SPTBN1: variants seen among roughly 807,000 people sequenced by gnomAD.
The protein encoded by SPTBN1 is spectrin beta, non-erythrocytic 1, also known as spectrin beta chain, non-erythrocytic 1.
A neutral mutation model predicts 266.4 loss-of-function variants in SPTBN1; 32 were observed. The ratio of observed to expected loss-of-function variants is 0.12; its 90% CI spans 0.09 to 0.16. The LOEUF is 0.16. Ranked by LOEUF, SPTBN1 falls within the 10% of genes least tolerant of loss-of-function variation. SPTBN1 has a pLI of 1.00. For synonymous variants in SPTBN1, 1,336 were observed against 1,162.2 expected (o/e 1.15, Z -3.04); for missense variants, 2,296 against 3,067.1 (o/e 0.75, Z 5.94).
At chr2:54,651,226 A>T (rs1680259687) in intron 26 of SPTBN1, among the ~76,000 whole-genome samples, 1 of 152,248 alleles carries the variant, frequency 6.6e-6, no homozygotes, top group Non-Finnish European at 1.5e-5. Context: ...CTTGAGAGAC[A>T]GTGGAGTTGC....
intron 5 of SPTBN1, 26 bp downstream of exon 5, chr2:54,616,324 G>A (rs1294985385): frequency 6.2e-7 from 1 of 1,601,632 alleles, no homozygotes; most frequent in South Asian, 1.1e-5. Context: ...GAGGGTATTG[G>A]GGCTGCTTCT....
intron 1 of SPTBN1, among the ~76,000 whole-genome samples, chr2:54,492,557 G>C (rs140637816): frequency 6.6e-6 from 1 of 152,248 alleles, no homozygotes; most frequent in Non-Finnish European, 1.5e-5. Flanking sequence ...CCAACTGACT[G>C]ACTGCTGTGG....
chr2:54,493,104 C>T (rs1414715535), intron 1 of SPTBN1, among the ~76,000 whole-genome samples: 4 of 146,640 alleles, frequency 2.7e-5, no homozygotes, highest in Non-Finnish European at 5.9e-5. Context: ...TTCCTGGGTT[C>T]AAGGGATTCT....
rs1308487910 is a variant in SPTBN1, at chr2:54,582,163, C to A, written c.149-16929C>A. Among the ~76,000 whole-genome samples, 3 of 152,176 alleles carry A rather than the reference C, an allele frequency of 2.0e-5. No homozygotes were observed. The East Asian group carries it at 5.8e-4, about 29-fold the overall frequency. The stretch of plus-strand genomic sequence containing the variant: ...ATTATTTCATCACTTTGCTCAAATA[C>A]ATTAATGCAAAACATTACAAAACTA... On this transcript the variant is annotated intron_variant, in intron 2 of 35. Coordinates refer to ENST00000356805, the MANE Select transcript of SPTBN1 (RefSeq NM_003128.3).
chr2:54,631,108 A>G lies in SPTBN1; in HGVS notation c.3061A>G (p.Lys1021Glu). The G allele has an allele frequency of 6.2e-7, 1 of 1,614,188 alleles. No homozygotes were observed. The highest frequency in any genetic ancestry group is 8.5e-7 in the Non-Finnish European group (1 of 1,180,024). Residue 1021 changes from lysine to glutamate, a missense_variant, in exon 16 of 36, where the codon AAG becomes GAG. Transcript: ENST00000356805. ...GAGTGACCTGCAGAAGGAGGCGGAGAAGCTGGAGTCCGAGCACCCCGACCA... is the reference window on the plus strand; with the variant it reads ...GAGTGACCTGCAGAAGGAGGCGGAGGAGCTGGAGTCCGAGCACCCCGACCA... ...KLSDLQKEAE[K>E]LESEHPDQAQ... is the part of the protein sequence containing the mutation.
intron 2 of SPTBN1, among the ~76,000 whole-genome samples, chr2:54,564,710 C>G (rs917575432): frequency 5.9e-5 from 9 of 152,210 alleles, no homozygotes; most frequent in African/African-American, 2.2e-4. Flanking sequence ...TCAGATGCCA[C>G]TTATTCTAGG....
At chr2:54,511,909 A>T (rs1428560286) in intron 1 of SPTBN1, among the ~76,000 whole-genome samples, 3 of 152,192 alleles carry the variant, frequency 2.0e-5, no homozygotes, top group Non-Finnish European at 2.9e-5. Context: ...ACTCACCATG[A>T]TATAGAATCA....
chr2:54,646,047 C>T lies in SPTBN1; in HGVS notation c.4584+30C>T, dbSNP rs951289962. On this transcript the variant is annotated intron_variant, in intron 22 of 35. Coordinates refer to ENST00000356805, the MANE Select transcript of SPTBN1 (RefSeq NM_003128.3). This position sits in a 1 kb window ranked among gnomAD's most constrained non-coding sequence, Gnocchi z 4.4. ...GCCTTTCTGCTCGAGCTAGTTCTGT[C>T]TGATAAATAATTGCTCTAAATTATG... 3.7e-6 allele frequency: 6 copies of T among 1,613,862 alleles called. No homozygotes were observed. In the Admixed American group the frequency reaches 8.3e-5, roughly 22 times the overall value.
At position 54,624,900 on chromosome 2, in the gene SPTBN1, T is replaced by C; in HGVS notation, c.1279T>C (p.Phe427Leu). 3 of 1,613,946 alleles carry C rather than the reference T, an allele frequency of 1.9e-6. No homozygotes were observed. The highest frequency in any genetic ancestry group is 2.5e-6 in the Non-Finnish European group (3 of 1,179,944). ...GAAACTGGAACAGCTCGCCCGCAGA[T>C]TTGATCGCAAGGCAGCTATGAGGGA... ...QEKLEQLARR[F>L]DRKAAMRETW... is the part of the protein sequence containing the mutation. The change falls in exon 11 of 36, where the codon TTT becomes CTT. Residue 427 changes from phenylalanine (F) to leucine (L), a missense_variant. Transcript: ENST00000356805.
intron 26 of SPTBN1, among the ~76,000 whole-genome samples, 178 bp downstream of exon 26, chr2:54,650,167 G>T (rs1262733535): frequency 6.6e-6 from 1 of 152,290 alleles, no homozygotes; most frequent in African/African-American, 2.4e-5. Context: ...GTCCATAAAG[G>T]TCTACGTTTG....
At chr2:54,496,623 T>C (rs1668985999) in intron 1 of SPTBN1, among the ~76,000 whole-genome samples, 1 of 152,222 alleles carries the variant, frequency 6.6e-6, no homozygotes, top group South Asian at 2.1e-4. Flanking sequence ...AAGCACAGAA[T>C]GTTAGTAACT....
intron 2 of SPTBN1, among the ~76,000 whole-genome samples, chr2:54,559,753 T>C (rs935484770): frequency 6.6e-6 from 1 of 152,134 alleles, no homozygotes; most frequent in Non-Finnish European, 1.5e-5. Flanking sequence ...CTGGAGTCAG[T>C]AGTAGGCTGG....
intron 2 of SPTBN1, among the ~76,000 whole-genome samples, chr2:54,576,534 A>C (rs7340302): frequency 0.32 from 48,222 of 152,006 alleles, 9,476 homozygotes; most frequent in African/African-American, 0.56. Context: ...CAACTGACAA[A>C]TCCTGGAAGG....
Position 54,589,287 on chromosome 2 carries a change from G to A in SPTBN1, c.149-9805G>A, listed in dbSNP as rs528275007. On this transcript the variant is annotated intron_variant, in intron 2 of 35. Coordinates refer to ENST00000356805, the MANE Select transcript of SPTBN1 (RefSeq NM_003128.3). Reference sequence around the variant, plus strand: ...CTTTATGCGGCTCACCTTGACGTACGACTGTGACAGAGGCAGGACCCTGGT... The same window carrying A: ...CTTTATGCGGCTCACCTTGACGTACAACTGTGACAGAGGCAGGACCCTGGT... Among the ~76,000 whole-genome samples the A allele has an allele frequency of 3.9e-5, 6 of 152,252 alleles. No individual in the cohort carries two copies. The South Asian group carries it at 1.2e-3, about 32-fold the overall frequency.
intron 2 of SPTBN1, among the ~76,000 whole-genome samples, chr2:54,580,743 A>G (rs971769403): frequency 1.3e-5 from 2 of 152,180 alleles, no homozygotes; most frequent in Non-Finnish European, 2.9e-5. Context: ...GGGGGAGCCA[A>G]TATGAGAGAC....
chr2:54,659,306 G>A (rs373148832), intron 31 of SPTBN1, 40 bp downstream of exon 31: 13 of 1,590,384 alleles, frequency 8.2e-6, no homozygotes, highest in South Asian at 5.5e-5. Flanking sequence ...CCTTAGCCTC[G>A]GTGGCCAATG....
At chr2:54,616,467 G>A (rs566086388) in intron 5 of SPTBN1, among the ~76,000 whole-genome samples, 169 bp downstream of exon 5, 17 of 152,292 alleles carry the variant, frequency 1.1e-4, no homozygotes, top group African/African-American at 3.8e-4. Flanking sequence ...AGAATGAAAG[G>A]AGCTCTAATT....
intron 1 of SPTBN1, among the ~76,000 whole-genome samples, chr2:54,507,230 C>T (rs1669622061): frequency 6.6e-6 from 1 of 152,066 alleles, no homozygotes; most frequent in African/African-American, 2.4e-5. Context: ...TGCTTCAGGC[C>T]ATCTGGATGT....
intron 1 of SPTBN1, among the ~76,000 whole-genome samples, chr2:54,475,617 C>G (rs1558758585): frequency 6.6e-6 from 1 of 152,146 alleles, no homozygotes; most frequent in Non-Finnish European, 1.5e-5. Context: ...GGGAAACATG[C>G]TTCTGTGAGT....
Sources: gnomAD v4.1 joint callset for allele counts (sites outside exome capture counted in the v4.1 genomes callset) on GRCh38, gnomAD v4.1.1 for gene constraint, Gnocchi (gnomAD v3.1) non-coding constraint, MANE v1.5 for transcripts, NCBI Gene and HGNC (gene_info 2026-07-23, HGNC 2026-07-21) for gene names.